ZBTB46: variants seen among roughly 807,000 people sequenced by gnomAD.
ZBTB46 encodes zinc finger and BTB domain containing 46.
Under a neutral mutation model 44.1 loss-of-function variants are expected in ZBTB46, and 8 were observed. The ratio of observed to expected loss-of-function variants is 0.18; its 90% confidence interval spans 0.11 to 0.33. The LOEUF (loss-of-function observed/expected upper bound fraction) is 0.33. ZBTB46 is among the 10% of genes least tolerant of loss of function. The probability of loss-of-function intolerance (pLI) is 1.00; values close to 1 mark genes in which losing one functional copy is unlikely to be tolerated. For missense variants in ZBTB46, 651 were observed against 847.7 expected, an observed-to-expected ratio of 0.77 and a Z score of 2.88; for synonymous variants, 409 against 382.3, an observed-to-expected ratio of 1.07 and a Z score of -0.81.
At chr20:63,811,028 G>A (rs2092714822) in intron 1 of ZBTB46, among the ~76,000 whole-genome samples, 2 of 152,234 alleles carry the variant, frequency 1.3e-5, no homozygotes, top group Admixed American at 6.5e-5. Context: ...CGGCGTCCGT[G>A]TTCCACTCTC....
intron 1 of ZBTB46, among the ~76,000 whole-genome samples, chr20:63,815,526 G>T (rs1241849629): frequency 1.4e-5 from 2 of 144,240 alleles, no homozygotes; most frequent in Non-Finnish European, 3.0e-5. Context: ...AGGTGCAGGT[G>T]GGCACAGGTC....
chr20:63,760,393 C>T (rs1055450865), intron 3 of ZBTB46, among the ~76,000 whole-genome samples: 4 of 152,188 alleles, frequency 2.6e-5, no homozygotes, highest in South Asian at 2.1e-4. Flanking sequence ...CAAATATATT[C>T]GCATAAAGTT....
chr20:63,829,952 C>T (rs4809367), intron 1 of ZBTB46, among the ~76,000 whole-genome samples: 28,324 of 152,140 alleles, frequency 0.19, 3,281 homozygotes, highest in East Asian at 0.46. Flanking sequence ...GCCCAGGCCG[C>T]GCGCTAAACA....
At chr20:63,762,003 G>T (rs892933568) in intron 3 of ZBTB46, among the ~76,000 whole-genome samples, 2 of 151,966 alleles carry the variant, frequency 1.3e-5, no homozygotes, top group South Asian at 4.1e-4. Context: ...GTCTATTTTG[G>T]TAAATGTTTC....
At position 63,752,837 on chromosome 20, in the gene ZBTB46, T is replaced by C. The variant is rs561151958; in HGVS notation, c.1247A>G (p.Lys416Arg). The change falls in exon 4 of 5, where the codon AAG becomes AGG. Residue 416 changes from lysine to arginine, a missense_variant. Physicochemically the swap from Lys to Arg is conservative, Grantham distance 26. Transcript: ENST00000245663. The surrounding 1 kb of genome is among the most constrained non-coding windows in gnomAD (Gnocchi z 5.6). Reference protein sequence around the residue: ...LSLNEFTVIRKKFKCPYCSFS... With the variant: ...LSLNEFTVIRRKFKCPYCSFS... Reference sequence around the variant, plus strand: ...GCTGCAGTACGGACACTTGAACTTCTTCCTGATCACCGTGAACTCATTCAC... The same window carrying C: ...GCTGCAGTACGGACACTTGAACTTCCTCCTGATCACCGTGAACTCATTCAC... The C allele has an allele frequency of 6.2e-7, 1 of 1,610,246 alleles. No individual in the cohort carries two copies. The highest frequency in any genetic ancestry group is 1.1e-5 in the South Asian group (1 of 90,952).
chr20:63,821,998 G>A (rs887539372), intron 1 of ZBTB46, among the ~76,000 whole-genome samples: 1 of 152,116 alleles, frequency 6.6e-6, no homozygotes, highest in African/African-American at 2.4e-5. Context: ...GAAAAACCCA[G>A]CCAGTCACTC....
chr20:63,747,270 T>C lies in ZBTB46; in HGVS notation c.1430A>G (p.Lys477Arg). The change falls in exon 5 of 5, where the codon AAG becomes AGG. Residue 477 changes from lysine to arginine, a missense_variant. Physicochemically the swap from Lys to Arg is conservative, Grantham distance 26. This residue lies in a region of ZBTB46 where 75 missense variants were observed against 107.8 expected (regional missense o/e 0.70). Coordinates refer to ENST00000245663, the MANE Select transcript of ZBTB46 (RefSeq NM_001369741.1). Reference sequence around the variant, plus strand: ...GGACATGAAGACGCGGCTGCACACCTTGCACACATACTTCTTGTCCTTGCT... The same window carrying C: ...GGACATGAAGACGCGGCTGCACACCCTGCACACATACTTCTTGTCCTTGCT... ...VHSKDKKYVC[K>R]VCSRVFMSAA... 1 of 1,525,236 alleles carries C rather than the reference T, an allele frequency of 6.6e-7. No homozygotes were observed. The highest frequency in any genetic ancestry group is 8.8e-7 in the Non-Finnish European group (1 of 1,137,234). The allele number at this position is 1,525,236 out of a possible 1,614,324, so 94.5% of individuals were successfully genotyped here.
rs542762933 is a variant in ZBTB46 at position 63,805,853 on chromosome 20, A to G, written c.-33-15063T>C. Among the ~76,000 whole-genome samples the G allele has an allele frequency of 2.6e-5, 4 of 151,444 alleles. No homozygotes were observed. In the East Asian group the frequency reaches 7.9e-4, roughly 30 times the overall value. On this transcript the variant is annotated intron_variant, in intron 1 of 4. Coordinates refer to ENST00000245663, the MANE Select transcript of ZBTB46 (RefSeq NM_001369741.1). The stretch of plus-strand genomic sequence containing the variant: ...TCACTGAAGCCTTCGGCTCACTGCA[A>G]CCTCCGCCTCCTGGGTTCAAGTGAT...
intron 1 of ZBTB46, among the ~76,000 whole-genome samples, chr20:63,812,716 T>C (rs895503684): frequency 6.6e-6 from 1 of 151,042 alleles, no homozygotes; most frequent in African/African-American, 2.4e-5. Context: ...GAGGTGGGGG[T>C]TGCCATGAGC....
At chr20:63,825,378 G>A (rs1179816031) in intron 1 of ZBTB46, among the ~76,000 whole-genome samples, 3 of 148,142 alleles carry the variant, frequency 2.0e-5, no homozygotes, top group Non-Finnish European at 3.0e-5. Flanking sequence ...TCCAGCCTGG[G>A]GGACAGAACA....
intron 1 of ZBTB46, among the ~76,000 whole-genome samples, chr20:63,797,471 ATG>A (rs1292258406): frequency 6.6e-6 from 1 of 152,196 alleles, no homozygotes; most frequent in Admixed American, 6.5e-5. Flanking sequence ...ATACGTGTGC[ATG>A]TGTCTTTATA....
At chr20:63,808,989 AAAAAAAAAAAG>A (rs1686421266) in intron 1 of ZBTB46, among the ~76,000 whole-genome samples, 2 of 147,020 alleles carry the variant, frequency 1.4e-5, no homozygotes, top group African/African-American at 5.1e-5. Context: ...AAAAAAAAAA[AAAAAAAAAAAG>A]AAAAAGAAAA....
At chr20:63,799,628 A>G (rs1275586457) in intron 1 of ZBTB46, among the ~76,000 whole-genome samples, 1 of 152,126 alleles carries the variant, frequency 6.6e-6, no homozygotes, top group Non-Finnish European at 1.5e-5. Flanking sequence ...GATTACAGGC[A>G]CAAGCCACCA....
In ZBTB46 at chr20:63,752,737, C is replaced by G; in HGVS notation, c.1347G>C (p.Glu449Asp). The G allele has an allele frequency of 1.2e-6, 2 of 1,610,128 alleles. No individual in the cohort carries two copies. The highest frequency in any genetic ancestry group is 1.7e-6 in the Non-Finnish European group (2 of 1,178,208). The change falls in exon 4 of 5, where the codon GAG becomes GAC. Residue 449 changes from glutamate (E) to aspartate (D), a missense_variant. This residue lies in a region of ZBTB46 where 20 missense variants were observed against 67.7 expected (regional missense o/e 0.30). Coordinates refer to ENST00000245663, the MANE Select transcript of ZBTB46 (RefSeq NM_001369741.1). This position sits in a 1 kb window ranked among gnomAD's most constrained non-coding sequence, Gnocchi z 5.6. ...SHTGERPYPC[E>D]ICGKKFTRRE... is the part of the protein sequence containing the mutation. Reference sequence around the variant, plus strand: ...GCCGCGTGAACTTCTTCCCGCAGATCTCGCAGGGGTAGGGCCGCTCTCCCG... The same window carrying G: ...GCCGCGTGAACTTCTTCCCGCAGATGTCGCAGGGGTAGGGCCGCTCTCCCG...
At chr20:63,817,739 GAAGA>G (rs942402847) in intron 1 of ZBTB46, among the ~76,000 whole-genome samples, 15 of 149,114 alleles carry the variant, frequency 1.0e-4, no homozygotes, top group Non-Finnish European at 1.0e-4. Context: ...AAAGGAAGAA[GAAGA>G]AAGAAGAGGA....
intron 3 of ZBTB46, among the ~76,000 whole-genome samples, chr20:63,760,999 C>CTTTTTTTTTTTT (rs372831458): frequency 7.8e-6 from 1 of 127,914 alleles, no homozygotes. Context: ...ATTGATAGCT[C>CTTTTTTTTTTTT]TTTTTTTTTT....
chr20:63,786,588 C>G (rs1469845959), intron 2 of ZBTB46, among the ~76,000 whole-genome samples: 1 of 152,028 alleles, frequency 6.6e-6, no homozygotes. Context: ...CTCAGCTCAC[C>G]GCAACCTCCG....
chr20:63,830,602 G>A (rs1293956856), intron 1 of ZBTB46, among the ~76,000 whole-genome samples: 2 of 150,266 alleles, frequency 1.3e-5, no homozygotes, highest in African/African-American at 2.4e-5. Flanking sequence ...GGCGGCTCCG[G>A]GTGCGGCTGG....
At chr20:63,788,637 G>T (rs375138743) in intron 2 of ZBTB46, among the ~76,000 whole-genome samples, 3 of 151,924 alleles carry the variant, frequency 2.0e-5, no homozygotes, top group Non-Finnish European at 2.9e-5. Context: ...TCAGGAGTTC[G>T]AGACCATCCT....
Sources: gnomAD v4.1 joint callset for allele counts (sites outside exome capture counted in the v4.1 genomes callset) on GRCh38, gnomAD v4.1.1 for gene constraint, gnomAD v4.1.1 regional missense constraint, Gnocchi (gnomAD v3.1) non-coding constraint, MANE v1.5 for transcripts, NCBI Gene and HGNC (gene_info 2026-07-23, HGNC 2026-07-21) for gene names.